Variants in SLC35F4 observed in about 807,000 individuals in gnomAD.
SLC35F4 encodes the protein chromosome 14 open reading frame 36.
Under a neutral mutation model 44.2 loss-of-function variants are expected in SLC35F4, and 24 were observed. That is an observed-to-expected ratio of 0.54 (90% CI 0.39 to 0.76). The LOEUF is 0.76. Ranked by LOEUF, SLC35F4 falls within the 30% of genes least tolerant of loss-of-function variation. The pLI is 0.00. For synonymous variants in SLC35F4, 238 were observed against 223.6 expected, an observed-to-expected ratio of 1.06 and a Z score of -0.57; for missense variants, 562 against 586.1, an observed-to-expected ratio of 0.96 and a Z score of 0.42.
intron 1 of SLC35F4, among the ~76,000 whole-genome samples, chr14:57,682,667 T>G (rs2074944454): frequency 6.6e-6 from 1 of 152,104 alleles, no homozygotes; most frequent in Non-Finnish European, 1.5e-5. Flanking sequence ...TTTGCGGTTT[T>G]TGCTACTTAC....
intron 1 of SLC35F4, chr14:57,630,536 T>C: frequency 2.7e-6 from 3 of 1,121,918 alleles, no homozygotes; most frequent in Non-Finnish European, 4.1e-6. Context: ...AAAAATAGAT[T>C]CCAAAACACA....
chr14:57,751,074 C>G (rs1309162727), intron 1 of SLC35F4, among the ~76,000 whole-genome samples: 2 of 152,166 alleles, frequency 1.3e-5, no homozygotes, highest in African/African-American at 4.8e-5. Context: ...ACCAATGTGT[C>G]AAACATGGGG....
intron 1 of SLC35F4, among the ~76,000 whole-genome samples, chr14:57,886,241 C>T (rs1052383809): frequency 6.6e-6 from 1 of 152,166 alleles, no homozygotes; most frequent in Non-Finnish European, 1.5e-5. Context: ...TATTATCTCA[C>T]AGTTTCTGTG....
At chr14:57,646,288 T>C (rs907743101) in intron 1 of SLC35F4, among the ~76,000 whole-genome samples, 20 of 152,106 alleles carry the variant, frequency 1.3e-4, no homozygotes, top group Non-Finnish European at 2.6e-4. Context: ...TTAATTATTG[T>C]CTCAATTTCA....
chr14:57,689,242 C>T (rs1566765342), intron 1 of SLC35F4, among the ~76,000 whole-genome samples: 1 of 152,024 alleles, frequency 6.6e-6, no homozygotes, highest in Non-Finnish European at 1.5e-5. Flanking sequence ...AGCCTCATTC[C>T]ACCCTCAACT....
intron 1 of SLC35F4, among the ~76,000 whole-genome samples, chr14:57,834,856 C>G (rs1311908734): frequency 6.6e-6 from 1 of 152,286 alleles, no homozygotes; most frequent in East Asian, 1.9e-4. Flanking sequence ...TGGCGAAACC[C>G]CATCTCTACT....
chr14:57,671,595 A>G lies in SLC35F4; in HGVS notation c.104-77471T>C, dbSNP rs185240953. On this transcript the variant is annotated intron_variant, in intron 1 of 7. Coordinates refer to ENST00000556826, the MANE Select transcript of SLC35F4 (RefSeq NM_001306087.2). Reference sequence around the variant, plus strand: ...ACCAGCAGCAATACCCAGGCACTATATCAAGGGCCTTGGGTGGGATTCTGA... The same window carrying G: ...ACCAGCAGCAATACCCAGGCACTATGTCAAGGGCCTTGGGTGGGATTCTGA... Among the ~76,000 whole-genome samples the G allele has an allele frequency of 1.2e-4, 19 of 152,106 alleles. 2 individuals carry two copies. Among genetic ancestry groups the G allele is most frequent in the African/African-American group, 4.1e-4 (17 of 41,426 alleles).
intron 1 of SLC35F4, among the ~76,000 whole-genome samples, chr14:57,816,079 C>T (rs937466756): frequency 1.3e-5 from 2 of 152,132 alleles, no homozygotes; most frequent in Non-Finnish European, 2.9e-5. Context: ...ATTGTTCTTT[C>T]AAGACACATT....
chr14:57,882,093 A>G (rs1444229309), intron 1 of SLC35F4, among the ~76,000 whole-genome samples: 1 of 152,068 alleles, frequency 6.6e-6, no homozygotes, highest in Non-Finnish European at 1.5e-5. Flanking sequence ...AGGAAATGGG[A>G]GTGGTACCCT....
chr14:57,647,233 C>T (rs561846116), intron 1 of SLC35F4, among the ~76,000 whole-genome samples: 1 of 150,856 alleles, frequency 6.6e-6, no homozygotes, highest in East Asian at 2.0e-4. Context: ...GTTAAAGTCT[C>T]CCATTATTAT....
intron 4 of SLC35F4, among the ~76,000 whole-genome samples, chr14:57,575,649 G>A (rs1355098203): frequency 6.6e-6 from 1 of 152,244 alleles, no homozygotes; most frequent in Non-Finnish European, 1.5e-5. Context: ...CACCTGGGGT[G>A]AGTCATTGAA....
At chr14:57,731,035 T>C (rs1347928357) in intron 1 of SLC35F4, among the ~76,000 whole-genome samples, 2 of 152,160 alleles carry the variant, frequency 1.3e-5, no homozygotes, top group East Asian at 1.9e-4. Flanking sequence ...AAATACCTCT[T>C]GGGAAGGAGA....
chr14:57,867,882 G>T (rs549938659), upstream of SLC35F4, among the ~76,000 whole-genome samples: 1 of 152,106 alleles, frequency 6.6e-6, no homozygotes, highest in East Asian at 1.9e-4. Context: ...TGATGTAACA[G>T]GAATATATAT....
intron 1 of SLC35F4, among the ~76,000 whole-genome samples, chr14:57,635,941 C>T (rs927579111): frequency 6.6e-6 from 1 of 152,114 alleles, no homozygotes; most frequent in African/African-American, 2.4e-5. Flanking sequence ...GAAATGGAGC[C>T]TTAACTCATA....
intron 1 of SLC35F4, among the ~76,000 whole-genome samples, chr14:57,622,541 T>C (rs1346393254): frequency 6.6e-6 from 1 of 150,496 alleles, no homozygotes; most frequent in Non-Finnish European, 1.5e-5. Context: ...AAATTGGAAA[T>C]CATCATTCTC....
At chr14:57,733,640 G>T (rs933879542) in intron 1 of SLC35F4, among the ~76,000 whole-genome samples, 18 of 151,938 alleles carry the variant, frequency 1.2e-4, no homozygotes, top group Admixed American at 1.2e-3. Context: ...TAGCATTAAA[G>T]AAAAATATTT....
At chr14:57,667,072 G>A (rs1475437908) in intron 1 of SLC35F4, among the ~76,000 whole-genome samples, 1 of 152,024 alleles carries the variant, frequency 6.6e-6, no homozygotes, top group East Asian at 1.9e-4. Context: ...GGAAGAGAAG[G>A]TACCTCCTAG....
At chr14:57,800,838 A>T (rs570814768) in intron 1 of SLC35F4, among the ~76,000 whole-genome samples, 2 of 152,324 alleles carry the variant, frequency 1.3e-5, no homozygotes, top group Admixed American at 1.3e-4. Flanking sequence ...GAAAAGGAAT[A>T]AACAAAATCT....
At position 57,572,013 on chromosome 14, in the gene SLC35F4, C is replaced by A; in HGVS notation, c.814G>T (p.Ala272Ser). Reference protein sequence around the residue: ...KDRFMGVRIVAAIMAITGIVM... With the variant: ...KDRFMGVRIVSAIMAITGIVM... ...ATGCCGGTAATTGCCATTATTGCAG[C>A]AACTATCTGTCAAATAGGATGCAAA... Residue 272 changes from alanine (A) to serine (S), a missense_variant, in exon 5 of 8, where the codon GCT becomes TCT. Transcript: ENST00000556826. The A allele has an allele frequency of 6.2e-7, 1 of 1,609,184 alleles. No homozygotes were observed. Among genetic ancestry groups the A allele is most frequent in the Admixed American group, 1.7e-5 (1 of 59,458 alleles).
Sources: allele counts gnomAD v4.1 joint callset (sites outside exome capture counted in the v4.1 genomes callset), GRCh38; gene constraint gnomAD v4.1.1; transcripts MANE v1.5; gene names NCBI Gene and HGNC (gene_info 2026-07-23, HGNC 2026-07-21).